RBM20: variants seen among roughly 807,000 people sequenced by gnomAD.
RBM20 encodes the protein RNA binding motif protein 20.
A neutral mutation model predicts 110.1 loss-of-function variants in RBM20; 51 were observed. That is an observed-to-expected ratio of 0.46 (90% CI 0.37 to 0.59). The LOEUF is 0.59. Among genes scored for constraint, RBM20 ranks in the 20% least tolerant of loss-of-function variants. The pLI is 0.00. For missense variants in RBM20, 1,512 were observed against 1,574.9 expected (o/e 0.96, Z 0.68); for synonymous variants, 589 against 618.2 (o/e 0.95, Z 0.70).
At chr10:110,749,157 C>A (rs1249645533) in intron 1 of RBM20, among the ~76,000 whole-genome samples, 2 of 152,144 alleles carry the variant, frequency 1.3e-5, no homozygotes, top group Admixed American at 6.5e-5. Flanking sequence ...TGCTGAAGAA[C>A]CTAGCCAATG....
intron 1 of RBM20, among the ~76,000 whole-genome samples, chr10:110,747,361 C>T (rs905035984): frequency 3.3e-5 from 5 of 152,024 alleles, no homozygotes; most frequent in African/African-American, 1.2e-4. Flanking sequence ...CCACTGGCCA[C>T]TTCCACAGAT....
At chr10:110,768,821 G>T (rs921154454) in intron 1 of RBM20, among the ~76,000 whole-genome samples, 2 of 152,182 alleles carry the variant, frequency 1.3e-5, no homozygotes, top group African/African-American at 2.4e-5. Context: ...GTTCTCTGGG[G>T]GAAATCTTGT....
intron 7 of RBM20, among the ~76,000 whole-genome samples, chr10:110,803,376 A>G: frequency 6.6e-6 from 1 of 152,212 alleles, no homozygotes; most frequent in East Asian, 1.9e-4. Context: ...TAATTTGCTT[A>G]TAGTCACCCA....
At chr10:110,766,368 C>A (rs373443815) in intron 1 of RBM20, among the ~76,000 whole-genome samples, 1 of 146,606 alleles carries the variant, frequency 6.8e-6, no homozygotes, top group Non-Finnish European at 1.5e-5. Context: ...GGGTGTTTCT[C>A]GCAGAGGGGT....
chr10:110,731,790 A>G (rs1451404186), intron 1 of RBM20, among the ~76,000 whole-genome samples: 1 of 152,098 alleles, frequency 6.6e-6, no homozygotes, highest in African/African-American at 2.4e-5. Flanking sequence ...TTCTTCAGGC[A>G]TTTTCCTTAG....
chr10:110,823,452 T>TGC, intron 11 of RBM20, 28 bp from the exon 12 acceptor site: 4 of 898,972 alleles, frequency 4.4e-6, no homozygotes, highest in South Asian at 2.8e-5. Flanking sequence ...TTTTTTTTTT[T>TGC]TTTTTTGCCT....
chr10:110,781,488 C>T lies in RBM20; in HGVS notation c.879C>T (p.Ala293=). 1 of 1,551,582 alleles carries T rather than the reference C, an allele frequency of 6.4e-7. No individual in the cohort carries two copies. Among genetic ancestry groups the T allele is most frequent in the Non-Finnish European group, 8.7e-7 (1 of 1,147,004 alleles). ...YGPNSQGSHV[A]SGFPAEQAGG... is the part of the protein sequence containing the mutation. ...CCAACTCCCAAGGTTCACATGTGGC[C>T]AGCGGATTTCCAGCTGAGCAGGCTG... is the stretch of plus-strand genomic sequence containing the variant. Residue 293 remains alanine (A), a synonymous_variant, in exon 2 of 14, where the codon GCC becomes GCT. Coordinates refer to ENST00000369519, the MANE Select transcript of RBM20 (RefSeq NM_001134363.3).
chr10:110,791,436 AG>A (rs1299045133), intron 5 of RBM20, among the ~76,000 whole-genome samples: 1 of 152,206 alleles, frequency 6.6e-6, no homozygotes, highest in Non-Finnish European at 1.5e-5. Flanking sequence ...TGTTGCCCTA[AG>A]CCATATTTTT....
intron 7 of RBM20, among the ~76,000 whole-genome samples, chr10:110,807,823 T>C (rs1844714410): frequency 6.6e-6 from 1 of 152,232 alleles, no homozygotes; most frequent in African/African-American, 2.4e-5. Context: ...GAATTTTATG[T>C]TCTGAAGAAT....
At chr10:110,744,597 G>C (rs1220227483) in intron 1 of RBM20, among the ~76,000 whole-genome samples, 1 of 152,224 alleles carries the variant, frequency 6.6e-6, no homozygotes, top group African/African-American at 2.4e-5. Context: ...GGGGGTGGAT[G>C]CTAGTGATAT....
At chr10:110,754,386 A>G (rs926622244) in intron 1 of RBM20, among the ~76,000 whole-genome samples, 4 of 152,210 alleles carry the variant, frequency 2.6e-5, no homozygotes, top group African/African-American at 7.2e-5. Context: ...GTCTTTCAAT[A>G]GTCCTGGAAA....
intron 1 of RBM20, among the ~76,000 whole-genome samples, chr10:110,700,370 G>A (rs1564819287): frequency 6.6e-6 from 1 of 152,196 alleles, no homozygotes; most frequent in Non-Finnish European, 1.5e-5. Context: ...CCTTGGGCCA[G>A]TTAGGGAGTG....
intron 1 of RBM20, among the ~76,000 whole-genome samples, chr10:110,708,714 TA>T (rs1391184436): frequency 6.6e-6 from 1 of 152,256 alleles, no homozygotes; most frequent in Admixed American, 6.5e-5. Flanking sequence ...ATTATTTTTG[TA>T]TTTCAGGGGA....
At chr10:110,784,768 G>T in intron 4 of RBM20, 24 bp from the exon 5 acceptor site, 1 of 1,466,206 alleles carries the variant, frequency 6.8e-7, no homozygotes, top group South Asian at 1.2e-5. Context: ...GGTTTTCACT[G>T]ACTTTGTGTA....
rs555523614 is a variant in RBM20, at chr10:110,659,439, G to T, written c.191+14794G>T. ...TGAGATGACAGGTGAACATGCCTTG[G>T]TAGGAAAGCAGTACTGAATACATGT... On this transcript the variant is annotated intron_variant, in intron 1 of 13. Transcript: ENST00000369519. 7.2e-5 allele frequency among the ~76,000 whole-genome samples: 11 copies of T among 152,284 alleles called. No individual in the cohort carries two copies. The East Asian group carries it at 2.1e-3, about 29-fold the overall frequency.
chr10:110,644,661 G>T lies in RBM20; in HGVS notation c.191+16G>T. On this transcript the variant is annotated intron_variant, in intron 1 of 13. Coordinates refer to ENST00000369519, the MANE Select transcript of RBM20 (RefSeq NM_001134363.3). The surrounding 1 kb of genome is among the most constrained non-coding windows in gnomAD (Gnocchi z 4.3). ...TCATCCAAAAGTAAGAAGGGAGAAG[G>T]GAACAGGGACCACGGGTGCGCCTGG... The T allele has an allele frequency of 6.8e-7, 1 of 1,480,526 alleles. No individual in the cohort carries two copies. The highest frequency in any genetic ancestry group is 8.9e-7 in the Non-Finnish European group (1 of 1,119,398). The allele number at this position is 1,480,526 out of a possible 1,614,324, so 91.7% of individuals were successfully genotyped here. A position where few individuals can be genotyped will look rare whatever the true frequency, so the allele number is the denominator to read the frequency against.
intron 1 of RBM20, among the ~76,000 whole-genome samples, chr10:110,670,157 C>A (rs1256726677): frequency 6.6e-6 from 1 of 152,044 alleles, no homozygotes; most frequent in Non-Finnish European, 1.5e-5. Context: ...GTGGTATCAT[C>A]TCTCTTTGCA....
intron 1 of RBM20, among the ~76,000 whole-genome samples, chr10:110,687,675 C>T (rs577863470): frequency 5.7e-4 from 87 of 152,186 alleles, no homozygotes; most frequent in Non-Finnish European, 1.1e-3. Flanking sequence ...TCTCCCACTG[C>T]GTTGCTGTGT....
chr10:110,781,763 A>G lies in RBM20; in HGVS notation c.1154A>G (p.Asp385Gly). The change falls in exon 2 of 14, where the codon GAC becomes GGC. Residue 385 changes from aspartate to glycine, a missense_variant. Transcript: ENST00000369519. ...FIGAGRRAKE[D>G]QALLSVRPLQ... The stretch of plus-strand genomic sequence containing the variant: ...GGTGCTGGGCGGAGGGCCAAGGAGG[A>G]CCAGGCGTTGCTATCTGTGCGGCCC... The G allele has an allele frequency of 6.4e-7, 1 of 1,551,818 alleles. No individual in the cohort carries two copies.
Sources: gnomAD v4.1 joint callset for allele counts (sites outside exome capture counted in the v4.1 genomes callset) on GRCh38, gnomAD v4.1.1 for gene constraint, Gnocchi (gnomAD v3.1) non-coding constraint, MANE v1.5 for transcripts, NCBI Gene and HGNC (gene_info 2026-07-23, HGNC 2026-07-21) for gene names.